CHD2: variants seen among roughly 807,000 people sequenced by gnomAD.
CHD2 encodes the protein chromodomain helicase DNA binding protein 2, also known as ATP-dependent chromatin remodeler CHD2.
In CHD2, 28 loss-of-function variants were observed where a neutral mutation model predicts 243.9. The observed-to-expected ratio is 0.11, with a 90% CI of 0.09 to 0.16. CHD2 has a LOEUF of 0.16. CHD2 is among the 10% of genes least tolerant of loss of function. CHD2 has a pLI of 1.00. For synonymous variants in CHD2, 775 were observed against 779.0 expected (o/e 0.99, Z 0.09); for missense variants, 1,386 against 2,209.8 (o/e 0.63, Z 7.47).
intron 5 of CHD2, among the ~76,000 whole-genome samples, chr15:92,936,197 G>A (rs1259904698): frequency 1.3e-5 from 2 of 152,130 alleles, no homozygotes; most frequent in Non-Finnish European, 2.9e-5. Context: ...TTTTAGGAAG[G>A]TTCTCAATCT....
In CHD2 at chr15:92,935,584, A is replaced by G. The variant is rs1489239776; in HGVS notation, c.444-1934A>G. On this transcript the variant is annotated intron_variant, in intron 5 of 38. Coordinates refer to ENST00000394196, the MANE Select transcript of CHD2 (RefSeq NM_001271.4). ...AGGACTAGCTGTTCATATTCCTTCA[A>G]GCATGCTTCTACTTCTCTCCAGTTT... 2.6e-5 allele frequency among the ~76,000 whole-genome samples: 4 copies of G among 152,222 alleles called. No homozygotes were observed. The East Asian group carries it at 5.8e-4, about 22-fold the overall frequency.
At position 93,024,505 on chromosome 15, in the gene CHD2, C is replaced by T. The variant is rs1486760399; in HGVS notation, c.5287C>T (p.Arg1763Cys). The T allele has an allele frequency of 3.1e-6, 5 of 1,614,074 alleles. No homozygotes were observed. The highest frequency in any genetic ancestry group is 2.2e-5 in the East Asian group (1 of 44,904). The stretch of plus-strand genomic sequence containing the variant: ...TGGCCAGGGACCCTCAGACCATTAC[C>T]GCTCTTTCCACACAGATAAACTGGG... Reference protein sequence around the residue: ...YHGQGPSDHYRSFHTDKLGEY... With the variant: ...YHGQGPSDHYCSFHTDKLGEY... The change falls in exon 39 of 39, where the codon CGC becomes TGC. Residue 1763 changes from arginine to cysteine, a missense_variant. By Grantham distance (180) the Arg-to-Cys change is radical (BLOSUM62 -3). Around this residue, in one of 19 missense-constraint regions of CHD2, gnomAD observed 347 missense variants for 341.6 expected, o/e 1.02. Transcript: ENST00000394196.
At chr15:92,906,353 G>C (rs1236014536) in intron 2 of CHD2, among the ~76,000 whole-genome samples, 3 of 152,224 alleles carry the variant, frequency 2.0e-5, no homozygotes, top group Non-Finnish European at 4.4e-5. Flanking sequence ...TAAGTCAGCA[G>C]AGGAAGGTGG....
At chr15:92,993,543 T>G (rs2054148272) in intron 28 of CHD2, among the ~76,000 whole-genome samples, 1 of 142,738 alleles carries the variant, frequency 7.0e-6, no homozygotes, top group Admixed American at 7.2e-5. Context: ...AAAGTGATTT[T>G]GCCTGTCCTG....
At chr15:92,911,557 G>A (rs377013406) in intron 2 of CHD2, among the ~76,000 whole-genome samples, 44 of 152,218 alleles carry the variant, frequency 2.9e-4, no homozygotes, top group African/African-American at 9.6e-4. Flanking sequence ...GGCCAACATG[G>A]TGAAACCCTG....
At chr15:93,007,135 G>A (rs569967652) in intron 34 of CHD2, among the ~76,000 whole-genome samples, 1 of 152,332 alleles carries the variant, frequency 6.6e-6, no homozygotes, top group South Asian at 2.1e-4. Context: ...CCTCTTGAAA[G>A]CAGTTGTAGA....
intron 2 of CHD2, chr15:92,904,657 C>G (rs1596362592): frequency 1.6e-6 from 2 of 1,277,322 alleles, no homozygotes; most frequent in African/African-American, 1.5e-5. Flanking sequence ...GAAGCGGCTG[C>G]TTTTGGAGAA....
chr15:92,968,024 G>C (rs1596416130), intron 17 of CHD2, among the ~76,000 whole-genome samples: 1 of 151,886 alleles, frequency 6.6e-6, no homozygotes, highest in Non-Finnish European at 1.5e-5. Flanking sequence ...CTTATTTTGG[G>C]ATCAACGTAA....
chr15:93,016,928 A>G (rs1367298458), intron 37 of CHD2, among the ~76,000 whole-genome samples: 1 of 152,244 alleles, frequency 6.6e-6, no homozygotes. Flanking sequence ...TAGACAGTTC[A>G]TGTAAAAGAG....
chr15:92,939,961 T>C (rs779456852), intron 7 of CHD2, among the ~76,000 whole-genome samples: 3 of 152,232 alleles, frequency 2.0e-5, no homozygotes, highest in Non-Finnish European at 4.4e-5. Flanking sequence ...CACAAGTTCG[T>C]GTCCTGTCCA....
intron 22 of CHD2, among the ~76,000 whole-genome samples, chr15:92,980,573 G>A (rs1334090445): frequency 6.6e-6 from 1 of 152,054 alleles, no homozygotes; most frequent in Non-Finnish European, 1.5e-5. Flanking sequence ...CACCTTTCTG[G>A]CTTACCCATG....
Position 92,956,468 on chromosome 15 carries a change from G to A in CHD2, c.1819G>A (p.Gly607Ser), listed in dbSNP as rs1346778546. The A allele has an allele frequency of 1.9e-6, 3 of 1,613,452 alleles. No homozygotes were observed. The highest frequency in any genetic ancestry group is 2.5e-6 in the Non-Finnish European group (3 of 1,179,772). Residue 607 changes from glycine (G) to serine (S), a missense_variant, in exon 16 of 39, where the codon GGC (glycine) becomes AGC (serine). Around this residue, in one of 19 missense-constraint regions of CHD2, gnomAD observed 63 missense variants for 108.8 expected, o/e 0.58. Transcript: ENST00000394196. The part of the protein sequence containing the change: ...EILLKDKTVL[G>S]SINWAFLGVD... ...TTTGTTTTTACTTTAGACTGTGCTGGGCAGTATTAACTGGGCCTTTCTGGG... is the reference window on the plus strand; with the variant it reads ...TTTGTTTTTACTTTAGACTGTGCTGAGCAGTATTAACTGGGCCTTTCTGGG...
chr15:92,963,607 A>G (rs929661484), intron 16 of CHD2, among the ~76,000 whole-genome samples: 2 of 152,208 alleles, frequency 1.3e-5, no homozygotes, highest in Non-Finnish European at 2.9e-5. Flanking sequence ...CTTCCTGTGT[A>G]TTCAGGTCGC....
intron 33 of CHD2, among the ~76,000 whole-genome samples, chr15:93,003,969 C>CA (rs964478559): frequency 6.6e-6 from 1 of 151,758 alleles, no homozygotes; most frequent in African/African-American, 2.4e-5. Flanking sequence ...ACTAAAAATA[C>CA]AAAAAATAGC....
Position 92,979,123 on chromosome 15 carries a change from C to T in CHD2, c.2728-12C>T, listed in dbSNP as rs544624674. On this transcript the variant is annotated splice_polypyrimidine_tract_variant and intron_variant, in intron 21 of 38. Transcript: ENST00000394196. ...GGTTCAGGCATAAGCATAACAGTTCCTTTTCCTACAGGTAAATATTTACCG... is the reference window on the plus strand; with the variant it reads ...GGTTCAGGCATAAGCATAACAGTTCTTTTTCCTACAGGTAAATATTTACCG... 2 of 1,613,296 alleles carry T rather than the reference C, an allele frequency of 1.2e-6. No individual in the cohort carries two copies. The highest frequency in any genetic ancestry group is 4.5e-5 in the East Asian group (2 of 44,878).
intron 27 of CHD2, among the ~76,000 whole-genome samples, chr15:92,992,093 A>T (rs918876200): frequency 1.5e-4 from 23 of 152,218 alleles, no homozygotes; most frequent in Non-Finnish European, 2.9e-4. Context: ...CTTCCTATAA[A>T]ATCTAAAAAG....
At chr15:92,953,954 GAATTTCTT>G in intron 14 of CHD2, 2 of 163,308 alleles carry the variant, frequency 1.2e-5, no homozygotes, top group Non-Finnish European at 2.7e-5. Flanking sequence ...ATCATTCTTC[GAATTTCTT>G]AATTTCTTAA....
In CHD2 at chr15:92,971,734, C is replaced by T. The variant is rs773602412; in HGVS notation, c.2190-31C>T. ...CCTACAACTTTCTGTTTTTTTGTATCTAGTAGTATCATTATCATTTTAATT... is the reference window on the plus strand; with the variant it reads ...CCTACAACTTTCTGTTTTTTTGTATTTAGTAGTATCATTATCATTTTAATT... On this transcript the variant is annotated intron_variant, in intron 17 of 38. Coordinates refer to ENST00000394196, the MANE Select transcript of CHD2 (RefSeq NM_001271.4). The T allele has an allele frequency of 1.2e-5, 19 of 1,592,076 alleles. No homozygotes were observed. The South Asian group carries it at 1.5e-4, about 12-fold the overall frequency.
intron 2 of CHD2, among the ~76,000 whole-genome samples, chr15:92,909,602 C>T (rs1273877686): frequency 6.6e-6 from 1 of 152,080 alleles, no homozygotes; most frequent in African/African-American, 2.4e-5. Flanking sequence ...TGGGGAGCGT[C>T]TCATACACAG....
Sources: allele counts gnomAD v4.1 joint callset (sites outside exome capture counted in the v4.1 genomes callset), GRCh38; gene constraint gnomAD v4.1.1; regional missense constraint gnomAD v4.1.1; transcripts MANE v1.5; gene names NCBI Gene and HGNC (gene_info 2026-07-23, HGNC 2026-07-21).